DDX18: variants seen among roughly 807,000 people sequenced by gnomAD.
The protein encoded by DDX18 is DEAD-box helicase 18.
DDX18 carries 23 observed loss-of-function variants against 73.5 expected under a neutral mutation model. The ratio of observed to expected loss-of-function variants is 0.31; its 90% CI spans 0.23 to 0.44. DDX18 has a LOEUF of 0.44. Among genes scored for constraint, DDX18 ranks in the 20% least tolerant of loss-of-function variants. The pLI, the probability that DDX18 is intolerant of heterozygous loss-of-function variation, is 1.00. For synonymous variants in DDX18, 268 were observed against 282.7 expected (o/e 0.95, Z 0.52); for missense variants, 753 against 792.9 (o/e 0.95, Z 0.60).
Position 117,825,015 on chromosome 2 carries a change from C to T in DDX18, c.1282C>T (p.Leu428Phe), listed in dbSNP as rs192548183. Reference sequence around the variant, plus strand: ...CCTTAAGAAGAACCGAAAGAAGAAGCTTATGGTCTTCTTTTCATCTTGTAT... The same window carrying T: ...CCTTAAGAAGAACCGAAAGAAGAAGTTTATGGTCTTCTTTTCATCTTGTAT... The part of the protein sequence containing the change: ...TFLKKNRKKK[L>F]MVFFSSCMSV... Residue 428 changes from leucine (L) to phenylalanine (F), a missense_variant, in exon 9 of 14, where the codon CTT becomes TTT. Leu to Phe is a conservative substitution (Grantham distance 22, BLOSUM62 0). Coordinates refer to ENST00000263239, the MANE Select transcript of DDX18 (RefSeq NM_006773.4). The T allele has an allele frequency of 1.8e-4, 285 of 1,613,474 alleles. 1 individual carries two copies. The East Asian group carries it at 5.9e-3, about 33-fold the overall frequency.
chr2:117,829,195 T>A, intron 12 of DDX18, 94 bp from the exon 13 acceptor site: 1 of 1,353,874 alleles, frequency 7.4e-7, no homozygotes, highest in South Asian at 1.4e-5. Flanking sequence ...ATGTTTTCCA[T>A]GGAGTGGCTT....
At position 117,814,935 on chromosome 2, in the gene DDX18, C is replaced by T. The variant is rs942466243; in HGVS notation, c.85+73C>T. On this transcript the variant is annotated intron_variant, in intron 1 of 13. Coordinates refer to ENST00000263239, the MANE Select transcript of DDX18 (RefSeq NM_006773.4). ...CTGGCGCGTTCGGGCGGCCGGGGGC[C>T]CAGCTGCTCTGTGTGACGGAGGCAG... is the stretch of plus-strand genomic sequence containing the variant. 4 of 1,491,388 alleles carry T rather than the reference C, an allele frequency of 2.7e-6. No homozygotes were observed. In the African/African-American group the frequency reaches 5.5e-5, roughly 21 times the overall value. The allele number at this position is 1,491,388 out of a possible 1,614,324, so 92.4% of individuals were successfully genotyped here.
At chr2:117,824,337 A>G (rs1446826600) in intron 7 of DDX18, 1 of 355,132 alleles carries the variant, frequency 2.8e-6, no homozygotes, top group Non-Finnish European at 4.9e-6. Flanking sequence ...AAGTTTTCCT[A>G]TTTTCTTCAG....
intron 7 of DDX18, among the ~76,000 whole-genome samples, chr2:117,823,627 C>T (rs1276953697): frequency 6.6e-6 from 1 of 152,098 alleles, no homozygotes; most frequent in Non-Finnish European, 1.5e-5. Context: ...GACAGTTTCA[C>T]CTCTTTATTT....
At chr2:117,820,343 A>T (rs561130292) in intron 3 of DDX18, among the ~76,000 whole-genome samples, 131 of 152,342 alleles carry the variant, frequency 8.6e-4, no homozygotes, top group Middle Eastern at 6.8e-3. Flanking sequence ...TAAGAAGAGT[A>T]ACTCTTCCTG....
intron 11 of DDX18, chr2:117,828,405 C>T (rs1316457031): frequency 1.3e-5 from 2 of 152,216 alleles, no homozygotes; most frequent in Admixed American, 6.5e-5. Flanking sequence ...CTTTCTCCCC[C>T]TCAAGACGGC....
In DDX18 at chr2:117,830,755, T is replaced by C; in HGVS notation, c.*31T>C. The C allele has an allele frequency of 1.2e-6, 2 of 1,601,782 alleles. No homozygotes were observed. The highest frequency in any genetic ancestry group is 1.7e-6 in the Non-Finnish European group (2 of 1,177,034). On this transcript the variant is annotated 3_prime_UTR_variant, in exon 14 of 14. Transcript: ENST00000263239. The stretch of plus-strand genomic sequence containing the variant: ...TGCCTTCCTTTCATCTTGAATAACT[T>C]TGTCCTAAAATGAATTTTTTTTCCC...
In DDX18 at chr2:117,825,029, T is replaced by C. The variant is rs767078619; in HGVS notation, c.1296T>C (p.Phe432=). ...GAAAGAAGAAGCTTATGGTCTTCTTTTCATCTTGTATGTCTGTGAAATACC... is the reference window on the plus strand; with the variant it reads ...GAAAGAAGAAGCTTATGGTCTTCTTCTCATCTTGTATGTCTGTGAAATACC... ...KNRKKKLMVF[F]SSCMSVKYHY... Residue 432 remains phenylalanine (F), a synonymous_variant, in exon 9 of 14, where the codon TTT becomes TTC. Coordinates refer to ENST00000263239, the MANE Select transcript of DDX18 (RefSeq NM_006773.4). 2 of 1,614,084 alleles carry C rather than the reference T, an allele frequency of 1.2e-6. No individual in the cohort carries two copies. Among genetic ancestry groups the C allele is most frequent in the Admixed American group, 3.3e-5 (2 of 60,004 alleles).
chr2:117,817,484 T>C lies in DDX18; in HGVS notation c.126T>C (p.Asp42=). 6.2e-7 allele frequency: 1 copy of C among 1,612,240 alleles called. No individual in the cohort carries two copies. The change falls in exon 2 of 14, where the codon GAT becomes GAC. Residue 42 remains aspartate, a synonymous_variant. Transcript: ENST00000263239. The part of the protein sequence containing the change: ...NLTLSETQNG[D]VSEETMGSRK... Reference sequence around the variant, plus strand: ...CCCTATCGGAAACTCAAAATGGAGATGTATCTGAAGAAACAATGGGAAGTA... The same window carrying C: ...CCCTATCGGAAACTCAAAATGGAGACGTATCTGAAGAAACAATGGGAAGTA...
chr2:117,829,589 C>G, intron 13 of DDX18, 123 bp downstream of exon 13: 1 of 933,312 alleles, frequency 1.1e-6, no homozygotes, highest in Non-Finnish European at 1.6e-6. Flanking sequence ...CAGTGTTCAC[C>G]CTGGTCGATG....
chr2:117,829,647 C>T (rs1005118549), intron 13 of DDX18, among the ~76,000 whole-genome samples, 181 bp downstream of exon 13: 5 of 152,146 alleles, frequency 3.3e-5, no homozygotes, highest in Non-Finnish European at 7.3e-5. Context: ...ATGGGGTAAG[C>T]AGGGCTTAAT....
At chr2:117,821,626 C>G (rs1679848369) in intron 4 of DDX18, 24 bp from the exon 5 acceptor site, 2 of 1,612,582 alleles carry the variant, frequency 1.2e-6, no homozygotes, top group Non-Finnish European at 1.7e-6. Context: ...AAATGTCTTT[C>G]TCCTTTCCCT....
At chr2:117,828,893 C>T in intron 11 of DDX18, 56 bp from the exon 12 acceptor site, 1 of 1,220,544 alleles carries the variant, frequency 8.2e-7, no homozygotes, top group East Asian at 2.4e-5. Flanking sequence ...CTTCAGTACC[C>T]AGTATCGGAA....
At chr2:117,826,590 T>C in intron 11 of DDX18, 1 of 573,878 alleles carries the variant, frequency 1.7e-6, no homozygotes, top group Non-Finnish European at 3.1e-6. Context: ...CTAGCTCTGT[T>C]ACCCAGCAAC....
At chr2:117,819,604 A>G (rs376503658) in intron 2 of DDX18, 45 bp from the exon 3 acceptor site, 9 of 1,493,302 alleles carry the variant, frequency 6.0e-6, no homozygotes, top group African/African-American at 5.7e-5. Flanking sequence ...TTGGAATTCT[A>G]TTTTAAGGAA....
chr2:117,825,946 C>G (rs1294165463), intron 10 of DDX18: 1 of 354,012 alleles, frequency 2.8e-6, no homozygotes, highest in Non-Finnish European at 5.0e-6. Flanking sequence ...GTATTTTCAA[C>G]AAACACTGGA....
At chr2:117,828,450 C>T (rs1387637852) in intron 11 of DDX18, 1 of 152,344 alleles carries the variant, frequency 6.6e-6, no homozygotes, top group African/African-American at 2.4e-5. Context: ...GAGTTAGGTA[C>T]CTATTTTCTC....
At chr2:117,822,571 A>C (rs533631760) in intron 7 of DDX18, 1 of 290,118 alleles carries the variant, frequency 3.4e-6, no homozygotes, top group Admixed American at 4.9e-5. Flanking sequence ...CCTTACTTGT[A>C]CATACCTTGG....
chr2:117,824,975 T>C lies in DDX18; in HGVS notation c.1242T>C (p.Leu414=). ...TTTGTCCTTCTGAAAAGAGATTCCT[T>C]CTGCTCTTTACATTCCTTAAGAAGA... is the stretch of plus-strand genomic sequence containing the variant. The part of the protein sequence containing the change: ...YVVCPSEKRF[L]LLFTFLKKNR... The change falls in exon 9 of 14, where the codon CTT becomes CTC. Residue 414 remains leucine, a synonymous_variant. Coordinates refer to ENST00000263239, the MANE Select transcript of DDX18 (RefSeq NM_006773.4). The C allele has an allele frequency of 6.2e-7, 1 of 1,613,488 alleles. No homozygotes were observed. Among genetic ancestry groups the C allele is most frequent in the Non-Finnish European group, 8.5e-7 (1 of 1,179,834 alleles).
Sources: allele counts gnomAD v4.1 joint callset (sites outside exome capture counted in the v4.1 genomes callset), GRCh38; gene constraint gnomAD v4.1.1; transcripts MANE v1.5; gene names NCBI Gene and HGNC (gene_info 2026-07-23, HGNC 2026-07-21).